Variants in RALYL observed in about 807,000 individuals in gnomAD.
RALYL encodes the protein RNA-binding Raly-like protein.
RALYL carries 29 observed loss-of-function variants against 35.1 expected under a neutral mutation model. The ratio of observed to expected loss-of-function variants is 0.83; its 90% CI spans 0.61 to 1.13. The LOEUF is 1.13. Ranked by LOEUF, RALYL falls within the 50% of genes most tolerant of loss-of-function variation. The probability of loss-of-function intolerance (pLI) is 0.00; values close to 1 mark genes in which losing one functional copy is unlikely to be tolerated. For missense variants in RALYL, 359 were observed against 360.4 expected, an observed-to-expected ratio of 1.00 and a Z score of 0.03; for synonymous variants, 120 against 127.6, an observed-to-expected ratio of 0.94 and a Z score of 0.40.
intron 2 of RALYL, among the ~76,000 whole-genome samples, chr8:84,676,860 T>C (rs949749484): frequency 2.6e-5 from 4 of 152,182 alleles, no homozygotes; most frequent in Non-Finnish European, 5.9e-5. Flanking sequence ...TGGAATGCAG[T>C]GGCCTGATCT....
intron 1 of RALYL, among the ~76,000 whole-genome samples, chr8:84,244,138 T>C (rs1007248591): frequency 5.9e-5 from 9 of 152,146 alleles, no homozygotes; most frequent in African/African-American, 2.2e-4. Context: ...ATTAATATGA[T>C]TAATATGATT....
chr8:84,896,645 A>G (rs1844792276), intron 8 of RALYL, among the ~76,000 whole-genome samples: 1 of 152,152 alleles, frequency 6.6e-6, no homozygotes. Context: ...CCAGGCACAC[A>G]CTGCTCAGCT....
intron 1 of RALYL, among the ~76,000 whole-genome samples, chr8:84,489,221 T>G (rs1325324079): frequency 6.6e-6 from 1 of 152,084 alleles, no homozygotes; most frequent in Non-Finnish European, 1.5e-5. Flanking sequence ...TCTTTTTCCT[T>G]TTCTTCCCTT....
chr8:84,900,405 G>A (rs7830481), intron 8 of RALYL, among the ~76,000 whole-genome samples: 69,661 of 151,952 alleles, frequency 0.46, 18,989 homozygotes, highest in African/African-American at 0.75. Context: ...GGCTGGGTGC[G>A]GTGGCTCACG....
At chr8:84,479,193 T>C in intron 1 of RALYL, among the ~76,000 whole-genome samples, 1 of 151,206 alleles carries the variant, frequency 6.6e-6, no homozygotes, top group Non-Finnish European at 1.5e-5. Context: ...AGATAATCCT[T>C]TTATTAAACT....
chr8:84,761,917 G>C (rs1208125500), intron 2 of RALYL, among the ~76,000 whole-genome samples: 2 of 152,086 alleles, frequency 1.3e-5, no homozygotes, highest in Non-Finnish European at 2.9e-5. Context: ...GAGTGGTAGG[G>C]AGATGACAAT....
chr8:84,377,462 T>TG (rs201091689), intron 1 of RALYL, among the ~76,000 whole-genome samples: 2,055 of 146,894 alleles, frequency 0.014, 52 homozygotes, highest in African/African-American at 0.05. Context: ...TTTTTTTTTT[T>TG]TTTTTTTTTT....
intron 1 of RALYL, among the ~76,000 whole-genome samples, chr8:84,466,574 T>A (rs2051686540): frequency 6.6e-6 from 1 of 151,316 alleles, no homozygotes; most frequent in Non-Finnish European, 1.5e-5. Flanking sequence ...TTTGCATCAA[T>A]GTTCATCAAG....
chr8:84,517,144 G>C (rs1182844211), intron 1 of RALYL, among the ~76,000 whole-genome samples: 1 of 152,130 alleles, frequency 6.6e-6, no homozygotes, highest in Non-Finnish European at 1.5e-5. Flanking sequence ...ATACACTCCA[G>C]TTGAATCATA....
intron 1 of RALYL, among the ~76,000 whole-genome samples, chr8:84,234,144 G>A (rs1237424561): frequency 1.3e-5 from 2 of 152,084 alleles, no homozygotes; most frequent in African/African-American, 4.8e-5. Flanking sequence ...AATTTTCAGT[G>A]TATTAGGCAT....
intron 1 of RALYL, among the ~76,000 whole-genome samples, chr8:84,274,879 A>G (rs1227019941): frequency 1.3e-5 from 2 of 152,134 alleles, no homozygotes; most frequent in Non-Finnish European, 2.9e-5. Flanking sequence ...AAAGATCTGT[A>G]ACTTAGAGCT....
chr8:84,524,469 G>A lies in RALYL; in HGVS notation c.-23-4830G>A, dbSNP rs113494749. 8.4e-3 allele frequency among the ~76,000 whole-genome samples: 1,283 copies of A among 152,282 alleles called. 18 individuals are homozygous for A. Among genetic ancestry groups the A allele is most frequent in the African/African-American group, 0.028 (1,182 of 41,556 alleles). The stretch of plus-strand genomic sequence containing the variant: ...GGAAACAACAGGTGCTGGAGAGGAT[G>A]TGGAGAAATAGGAACACTTTTACAC... On this transcript the variant is annotated intron_variant, in intron 1 of 8. Transcript: ENST00000521268.
intron 1 of RALYL, among the ~76,000 whole-genome samples, chr8:84,323,252 GC>G (rs962265839): frequency 5.3e-5 from 8 of 151,994 alleles, no homozygotes; most frequent in African/African-American, 1.9e-4. Flanking sequence ...TTTAGGAAAA[GC>G]TCATAAATAT....
chr8:84,602,732 A>G (rs1208826266), intron 2 of RALYL, among the ~76,000 whole-genome samples: 2 of 152,182 alleles, frequency 1.3e-5, no homozygotes, highest in Non-Finnish European at 2.9e-5. Context: ...ATATGTATGG[A>G]AACCAGGCTA....
chr8:84,859,797 G>C (rs1837766825), intron 5 of RALYL, among the ~76,000 whole-genome samples: 2 of 151,938 alleles, frequency 1.3e-5, no homozygotes, highest in South Asian at 4.2e-4. Context: ...TTGCAGTGAG[G>C]TCACACCACT....
At chr8:84,539,290 C>T (rs1383056194) in intron 2 of RALYL, among the ~76,000 whole-genome samples, 1 of 152,108 alleles carries the variant, frequency 6.6e-6, no homozygotes, top group South Asian at 2.1e-4. Flanking sequence ...TGGTTAAAAA[C>T]ATTTCCTGGG....
intron 1 of RALYL, among the ~76,000 whole-genome samples, chr8:84,224,935 A>T (rs912692963): frequency 6.6e-6 from 1 of 152,144 alleles, no homozygotes; most frequent in African/African-American, 2.4e-5. Context: ...GATTACAGGC[A>T]TGAGCCACTG....
At chr8:84,277,612 A>G (rs1181766053) in intron 1 of RALYL, among the ~76,000 whole-genome samples, 1 of 152,218 alleles carries the variant, frequency 6.6e-6, no homozygotes, top group African/African-American at 2.4e-5. Flanking sequence ...AGCCTGTAAA[A>G]TTAAAAACAA....
intron 1 of RALYL, among the ~76,000 whole-genome samples, chr8:84,243,595 A>G (rs1376840123): frequency 6.9e-6 from 1 of 145,408 alleles, no homozygotes; most frequent in Non-Finnish European, 1.5e-5. Flanking sequence ...CTCTCTACTC[A>G]TGTTCTGGAA....
Sources: gnomAD v4.1 joint callset for allele counts (sites outside exome capture counted in the v4.1 genomes callset) on GRCh38, gnomAD v4.1.1 for gene constraint, MANE v1.5 for transcripts, NCBI Gene and HGNC (gene_info 2026-07-23, HGNC 2026-07-21) for gene names.